Variants in HUWE1 observed in about 807,000 individuals in gnomAD.
The protein encoded by HUWE1 is HECT, UBA and WWE domain containing E3 ubiquitin protein ligase 1.
HUWE1 carries 18 observed loss-of-function variants against 299.4 expected under a neutral mutation model. That is an observed-to-expected ratio of 0.06 (90% CI 0.04 to 0.09). HUWE1 has a LOEUF of 0.09. Among genes scored for constraint, HUWE1 ranks in the 10% least tolerant of loss-of-function variants. The pLI, the probability that HUWE1 is intolerant of heterozygous loss-of-function variation, is 1.00. For synonymous variants in HUWE1, 1,317 were observed against 1,286.1 expected (o/e 1.02, Z -0.51); for missense variants, 1,832 against 3,462.3 (o/e 0.53, Z 11.82).
At chrX:53,592,702 C>A (rs1433293545) in intron 32 of HUWE1, 74 bp from the exon 33 acceptor site, 18 of 757,516 alleles carry the variant, frequency 2.4e-5, no homozygotes, top group Non-Finnish European at 3.6e-5. Flanking sequence ...AGTTAAAGAC[C>A]TATGGAACAG....
At position 53,589,624 on chromosome X, in the gene HUWE1, A is replaced by G; in HGVS notation, c.4384T>C (p.Cys1462Arg). 8.3e-7 allele frequency: 1 copy of G among 1,211,007 alleles called. No homozygotes were observed. Among genetic ancestry groups the G allele is most frequent in the Non-Finnish European group, 1.1e-6 (1 of 894,857 alleles). ...TTGATTGCTGTCATGATCAGGTCAC[A>G]CACACGGTATACTGTGTCTGGCAGC... The part of the protein sequence containing the change: ...DELPDTVYRV[C>R]DLIMTAIKRN... Residue 1462 changes from cysteine (C) to arginine (R), a missense_variant, in exon 36 of 84, where the codon TGT becomes CGT. Physicochemically the swap from Cys to Arg is radical, Grantham distance 180 (BLOSUM62 -3). Coordinates refer to ENST00000262854, the MANE Select transcript of HUWE1 (RefSeq NM_031407.7).
chrX:53,592,605 G>A lies in HUWE1; in HGVS notation c.3765C>T (p.Asn1255=). ...TQKAAFTCIK[N]LWNRKPLKVY... Reference sequence around the variant, plus strand: ...CCTTCAGGGGTTTCCGGTTCCATAAGTTTTTGATGCAAGTAAAGGCTGCCT... The same window carrying A: ...CCTTCAGGGGTTTCCGGTTCCATAAATTTTTGATGCAAGTAAAGGCTGCCT... The change falls in exon 33 of 84, where the codon AAC becomes AAT. Residue 1255 remains asparagine, a synonymous_variant. Coordinates refer to ENST00000262854, the MANE Select transcript of HUWE1 (RefSeq NM_031407.7). 3 of 1,206,178 alleles carry A rather than the reference G, an allele frequency of 2.5e-6. No homozygotes were observed. The highest frequency in any genetic ancestry group is 3.4e-6 in the Non-Finnish European group (3 of 890,927).
At chrX:53,606,799 A>G (rs1216557332) in intron 25 of HUWE1, among the ~76,000 whole-genome samples, 1 of 111,714 alleles carries the variant, frequency 9.0e-6, no homozygotes, top group Non-Finnish European at 1.9e-5. Flanking sequence ...AAAAAATAGA[A>G]TGGTAGTTGC....
chrX:53,546,524 G>A lies in HUWE1; in HGVS notation c.10827C>T (p.Ser3609=), dbSNP rs782333353. 7 of 1,209,520 alleles carry A rather than the reference G, an allele frequency of 5.8e-6. No homozygotes were observed. In the South Asian group the frequency reaches 1.2e-4, roughly 21 times the overall value. The change falls in exon 70 of 84, where the codon TCC becomes TCT. Residue 3609 remains serine, a synonymous_variant. Transcript: ENST00000262854. ...EDAANVLLQL[S]RGDSGTRDTV... ...TGTCCCGGGTCCCAGAGTCCCCCCG[G>A]GAGAGCTGCAGTAGTACGTTGGCTG... is the stretch of plus-strand genomic sequence containing the variant.
rs782809199 is a variant in HUWE1, at chrX:53,624,611, T to C, written c.1656A>G (p.Pro552=). ...HIISNAEYYG[P]SLFLLATEVV... is the part of the protein sequence containing the mutation. ...TCCACTTACCTAGGAGGAAGAGTGA[T>C]GGGCCATAGTATTCTGCATTGCTGA... is the stretch of plus-strand genomic sequence containing the variant. Residue 552 remains proline, a synonymous_variant, in exon 19 of 84, where the codon CCA becomes CCG. Transcript: ENST00000262854. The C allele has an allele frequency of 1.7e-5, 20 of 1,199,251 alleles. No individual in the cohort carries two copies. The highest frequency in any genetic ancestry group is 4.4e-5 in the Admixed American group (2 of 45,864).
rs372773067 is a variant in HUWE1, at chrX:53,631,633, A to G, written c.646-19T>C. The stretch of plus-strand genomic sequence containing the variant: ...TAGTTGTCTAAAATTAAAAAAGACA[A>G]GAGAGCTGTAAGGAGTCACTGAACA... On this transcript the variant is annotated intron_variant, in intron 9 of 83. Transcript: ENST00000262854. The G allele has an allele frequency of 9.6e-6, 11 of 1,141,408 alleles. No individual in the cohort carries two copies. In the African/African-American group the frequency reaches 2.0e-4, roughly 20 times the overall value. 94.1% of individuals were successfully genotyped at this position (1,141,408 alleles called of 1,213,427 possible). A position where few individuals can be genotyped will look rare whatever the true frequency, so the allele number is the denominator to read the frequency against.
intron 28 of HUWE1, among the ~76,000 whole-genome samples, chrX:53,601,826 G>A (rs1321712737): frequency 1.8e-5 from 2 of 109,162 alleles, no homozygotes; most frequent in Non-Finnish European, 1.9e-5. Flanking sequence ...GTGCCACCAC[G>A]CCCGGCTAAT....
At chrX:53,545,629 C>T (rs1469505575) in intron 70 of HUWE1, among the ~76,000 whole-genome samples, 2 of 111,605 alleles carry the variant, frequency 1.8e-5, no homozygotes, top group African/African-American at 6.5e-5. Context: ...CAGTGCCTGG[C>T]CCATAGGTGT....
intron 28 of HUWE1, among the ~76,000 whole-genome samples, chrX:53,601,288 C>T (rs781929834): frequency 2.8e-5 from 3 of 108,900 alleles, no homozygotes; most frequent in East Asian, 5.8e-4. Flanking sequence ...CTCAAGCGAT[C>T]CTCCCACCTC....
chrX:53,592,681 CAGA>C (rs2064226924), intron 32 of HUWE1, 53 bp from the exon 33 acceptor site: 2 of 903,088 alleles, frequency 2.2e-6, no homozygotes, highest in Admixed American at 5.2e-5. Flanking sequence ...ATTCAAAGCT[CAGA>C]AGGATTAAGT....
intron 29 of HUWE1, among the ~76,000 whole-genome samples, chrX:53,599,232 C>T (rs1362716646): frequency 3.6e-5 from 4 of 112,450 alleles, no homozygotes; most frequent in South Asian, 3.6e-4. Context: ...CATCTTCTTG[C>T]TTGGTCAATT....
At chrX:53,643,013 AG>A (rs1245629735) in intron 7 of HUWE1, among the ~76,000 whole-genome samples, 2 of 112,573 alleles carry the variant, frequency 1.8e-5, no homozygotes, top group African/African-American at 6.5e-5. Context: ...AGGTTGTACC[AG>A]AATGTTATTT....
chrX:53,534,456 C>G (rs1436340839), intron 82 of HUWE1, 60 bp downstream of exon 82: 1 of 1,049,968 alleles, frequency 9.5e-7, no homozygotes, highest in Non-Finnish European at 1.3e-6. Flanking sequence ...TGGTATCACA[C>G]AAACTAGCGT....
At chrX:53,554,507 G>A (rs1431200891) in intron 61 of HUWE1, 126 bp downstream of exon 61, 7 of 683,596 alleles carry the variant, frequency 1.0e-5, no homozygotes, top group East Asian at 3.4e-5. Context: ...TGCGCAAGAC[G>A]AGATCTTATT....
At chrX:53,627,166 C>T (rs1313436944) in intron 17 of HUWE1, among the ~76,000 whole-genome samples, 3 of 111,483 alleles carry the variant, frequency 2.7e-5, no homozygotes, top group African/African-American at 9.8e-5. Context: ...AACAGATTAA[C>T]ACCACAGCTA....
intron 43 of HUWE1, chrX:53,579,737 T>C (rs1349072635): frequency 1.0e-5 from 1 of 99,792 alleles, no homozygotes; most frequent in Non-Finnish European, 2.0e-5. Context: ...GTTAAACAGA[T>C]GCTTGAAGGC....
chrX:53,661,729 TAAAAG>T (rs1404936757), intron 3 of HUWE1, among the ~76,000 whole-genome samples: 1 of 112,467 alleles, frequency 8.9e-6, no homozygotes, highest in Non-Finnish European at 1.9e-5. Flanking sequence ...ATAGCCAACT[TAAAAG>T]AAAACAAGTG....
chrX:53,673,488 G>T (rs2069658305), intron 3 of HUWE1, among the ~76,000 whole-genome samples: 2 of 111,630 alleles, frequency 1.8e-5, no homozygotes, highest in South Asian at 3.7e-4. Context: ...TATAAATTTA[G>T]GTGGCACAAG....
chrX:53,582,045 C>A (rs1272993407), intron 42 of HUWE1, among the ~76,000 whole-genome samples: 1 of 111,873 alleles, frequency 8.9e-6, no homozygotes, highest in Non-Finnish European at 1.9e-5. Flanking sequence ...CCTGGTTTTC[C>A]ACACCTGTAC....
Sources: allele counts gnomAD v4.1 joint callset (sites outside exome capture counted in the v4.1 genomes callset), GRCh38; gene constraint gnomAD v4.1.1; transcripts MANE v1.5; gene names NCBI Gene and HGNC (gene_info 2026-07-23, HGNC 2026-07-21).